The following ZBTB11 variants were observed in gnomAD, a reference collection of about 807,000 sequenced individuals.
ZBTB11 encodes zinc finger and BTB domain-containing protein 11.
In ZBTB11, 68 loss-of-function variants were observed where a neutral mutation model predicts 113.1. That is an observed-to-expected ratio of 0.60 (90% CI 0.49 to 0.74). ZBTB11 has a LOEUF of 0.74. ZBTB11 is among the 30% of genes least tolerant of loss of function. The pLI is 0.00. For synonymous variants in ZBTB11, 518 were observed against 452.6 expected (o/e 1.14, Z -1.83); for missense variants, 1,104 against 1,279.4 (o/e 0.86, Z 2.09).
At chr3:101,672,319 T>C (rs1219711352) in intron 1 of ZBTB11, 106 bp from the exon 2 acceptor site, 1 of 698,944 alleles carries the variant, frequency 1.4e-6, no homozygotes, top group African/African-American at 1.8e-5. Flanking sequence ...TGTGCAGACA[T>C]TCATGTCCCA....
chr3:101,659,094 C>T (rs1299163287), intron 6 of ZBTB11, among the ~76,000 whole-genome samples: 1 of 152,054 alleles, frequency 6.6e-6, no homozygotes, highest in Non-Finnish European at 1.5e-5. Flanking sequence ...AAAAAATTAG[C>T]CAGGCGTGGT....
In ZBTB11 at chr3:101,659,875, T is replaced by C. The variant is rs191344966; in HGVS notation, c.1954A>G (p.Ile652Val). The stretch of plus-strand genomic sequence containing the variant: ...AATGTTCTTCCACATATGGAACATA[T>C]AAATTCCCGCTTGGTTCTGCCCTTC... ...SEKGRTKREFICSICGRTLPK... is the reference protein window; with the variant it reads ...SEKGRTKREFVCSICGRTLPK... Residue 652 changes from isoleucine to valine, a missense_variant, in exon 6 of 11, where the codon ATA (isoleucine) becomes GTA (valine). By Grantham distance (29) the Ile-to-Val change is conservative. This residue lies in a region of ZBTB11 where 535 missense variants were observed against 518.6 expected (regional missense o/e 1.03). Transcript: ENST00000312938. 38 of 1,614,178 alleles carry C rather than the reference T, an allele frequency of 2.4e-5. No individual in the cohort carries two copies. The highest frequency in any genetic ancestry group is 1.1e-4 in the African/African-American group (8 of 75,054).
In ZBTB11 at chr3:101,651,216, C is replaced by A; in HGVS notation, c.3112G>T (p.Ala1038Ser). ...QGQKLSEVAEAIQTVKVEVAH... is the reference protein window; with the variant it reads ...QGQKLSEVAESIQTVKVEVAH... Reference sequence around the variant, plus strand: ...ACCTCTACTTTAACAGTTTGAATAGCTTCTGCAACTTCAGATAGCTTCTGT... The same window carrying A: ...ACCTCTACTTTAACAGTTTGAATAGATTCTGCAACTTCAGATAGCTTCTGT... The change falls in exon 11 of 11, where the codon GCT becomes TCT. Residue 1038 changes from alanine to serine, a missense_variant. Ala to Ser is a moderately conservative substitution (Grantham distance 99). Coordinates refer to ENST00000312938, the MANE Select transcript of ZBTB11 (RefSeq NM_014415.4). 6.2e-7 allele frequency: 1 copy of A among 1,610,866 alleles called. No individual in the cohort carries two copies. The highest frequency in any genetic ancestry group is 8.5e-7 in the Non-Finnish European group (1 of 1,178,906).
chr3:101,673,712 A>G (rs898465852), intron 1 of ZBTB11, among the ~76,000 whole-genome samples: 1 of 152,024 alleles, frequency 6.6e-6, no homozygotes, highest in Non-Finnish European at 1.5e-5. Context: ...ATGGGGTTTC[A>G]CTATTTTTGC....
At chr3:101,662,422 C>T (rs994996239) in intron 5 of ZBTB11, among the ~76,000 whole-genome samples, 7 of 152,180 alleles carry the variant, frequency 4.6e-5, no homozygotes, top group South Asian at 4.1e-4. Flanking sequence ...GTCAGGAGTT[C>T]GAGACCAGCC....
intron 6 of ZBTB11, among the ~76,000 whole-genome samples, chr3:101,657,380 C>T (rs1427946339): frequency 6.7e-6 from 1 of 149,904 alleles, no homozygotes; most frequent in Non-Finnish European, 1.5e-5. Flanking sequence ...GTGGCGTGTG[C>T]CTGTAGTTCC....
rs1458527793 is a variant in ZBTB11 at position 101,676,832 on chromosome 3, T to C, written c.83A>G (p.Asn28Ser). 9 of 1,612,204 alleles carry C rather than the reference T, an allele frequency of 5.6e-6. No individual in the cohort carries two copies. The African/African-American group carries it at 6.7e-5, about 12-fold the overall frequency. Residue 28 changes from asparagine (N) to serine (S), a missense_variant, in exon 1 of 11, where the codon AAT (asparagine) becomes AGT (serine). Physicochemically the swap from Asn to Ser is conservative, Grantham distance 46. Around this residue, in one of 5 missense-constraint regions of ZBTB11, gnomAD observed 245 missense variants for 272.5 expected, o/e 0.90. Transcript: ENST00000312938. Reference sequence around the variant, plus strand: ...AGCTTTTCGGATTTTACGCTTGACATTGCCCTCGGTGCCCGGCGCATACGG... The same window carrying C: ...AGCTTTTCGGATTTTACGCTTGACACTGCCCTCGGTGCCCGGCGCATACGG... ...REPYAPGTEG[N>S]VKRKIRKAAA...
intron 6 of ZBTB11, 103 bp from the exon 7 acceptor site, chr3:101,656,351 A>G: frequency 1.5e-6 from 1 of 683,722 alleles, no homozygotes; most frequent in Non-Finnish European, 1.9e-6. Flanking sequence ...ATAAATATTT[A>G]AATTATTTAA....
At chr3:101,672,794 C>T (rs756379883) in intron 1 of ZBTB11, among the ~76,000 whole-genome samples, 37 of 152,266 alleles carry the variant, frequency 2.4e-4, no homozygotes, top group Middle Eastern at 3.4e-3. Flanking sequence ...TAGGCTTGAC[C>T]GTGTGATTTG....
rs553103436 is a variant in ZBTB11 at position 101,649,031 on chromosome 3, C to T, written c.*2135G>A. 1.2e-4 allele frequency: 18 copies of T among 152,312 alleles called. No homozygotes were observed. The highest frequency in any genetic ancestry group is 3.6e-4 in the African/African-American group (15 of 41,546). 9.4% of individuals were successfully genotyped at this position (152,312 alleles called of 1,614,324 possible). A position where few individuals can be genotyped will look rare whatever the true frequency, so the allele number is the denominator to read the frequency against. ...GTGGGAAGATGATCTCCTCTCCAAC[C>T]GTCCCCAGCTGAACTCCTCTGGACG... is the stretch of plus-strand genomic sequence containing the variant. On this transcript the variant is annotated 3_prime_UTR_variant, in exon 11 of 11. Coordinates refer to ENST00000312938, the MANE Select transcript of ZBTB11 (RefSeq NM_014415.4).
At chr3:101,673,085 C>T (rs1937108345) in intron 1 of ZBTB11, among the ~76,000 whole-genome samples, 1 of 152,142 alleles carries the variant, frequency 6.6e-6, no homozygotes, top group African/African-American at 2.4e-5. Flanking sequence ...CACAATCTAA[C>T]AAAAGTTGAT....
intron 6 of ZBTB11, among the ~76,000 whole-genome samples, chr3:101,656,992 T>C (rs913829133): frequency 2.7e-5 from 4 of 149,870 alleles, no homozygotes; most frequent in African/African-American, 9.8e-5. Context: ...AATACAAAAA[T>C]TAGCCAGGTG....
chr3:101,671,344 C>T lies in ZBTB11; in HGVS notation c.564G>A (p.Val188=). The change falls in exon 3 of 11, where the codon GTG becomes GTA. Residue 188 remains valine (V), a synonymous_variant. Transcript: ENST00000312938. ...HELVFVDTKG[V]VKRSSPKHCQ... ...AATGTTTTGGAGAAGAACGTTTTAC[C>T]ACTCCTTTGGTGTCAACCTGTCAAA... 1 of 1,614,092 alleles carries T rather than the reference C, an allele frequency of 6.2e-7. No homozygotes were observed. The highest frequency in any genetic ancestry group is 8.5e-7 in the Non-Finnish European group (1 of 1,179,986).
chr3:101,668,659 T>C, intron 3 of ZBTB11, among the ~76,000 whole-genome samples: 1 of 152,120 alleles, frequency 6.6e-6, no homozygotes. Flanking sequence ...TTTGAATGTT[T>C]TCAACACAAA....
At chr3:101,655,382 T>C (rs34624546) in intron 7 of ZBTB11, among the ~76,000 whole-genome samples, 1 of 151,982 alleles carries the variant, frequency 6.6e-6, no homozygotes, top group Non-Finnish European at 1.5e-5. Context: ...AGTACTAGAG[T>C]TGAATACAAG....
intron 7 of ZBTB11, 59 bp from the exon 8 acceptor site, chr3:101,654,880 ATTT>A: frequency 2.5e-6 from 3 of 1,181,308 alleles, no homozygotes; most frequent in Non-Finnish European, 1.2e-6. Context: ...TTTTAACAGA[ATTT>A]TTTTTTTTTG....
In ZBTB11 at chr3:101,665,525, T is replaced by TAC; in HGVS notation, c.1061_1062insGT (p.Pro355TyrfsTer14). ...TTTCACAATCCCCAAGTTCAGTAGG[T>TAC]AAACTTGTTGTGGTTCCCTCACTGC... On this transcript the variant is annotated frameshift_variant, in exon 4 of 11. Coordinates refer to ENST00000312938, the MANE Select transcript of ZBTB11 (RefSeq NM_014415.4). LOFTEE classifies it high-confidence loss of function. 6.2e-7 allele frequency: 1 copy of TAC among 1,614,202 alleles called. No homozygotes were observed. The highest frequency in any genetic ancestry group is 8.5e-7 in the Non-Finnish European group (1 of 1,180,024).
rs144886045 is a variant in ZBTB11 at position 101,661,769 on chromosome 3, CCTT to C, written c.1801-1744_1801-1742del. On this transcript the variant is annotated intron_variant, in intron 5 of 10. Coordinates refer to ENST00000312938, the MANE Select transcript of ZBTB11 (RefSeq NM_014415.4). The stretch of plus-strand genomic sequence containing the variant: ...CACTGTTCTGGGCATTCAGCGTACT[CCTT>C]TAACACAGAAACTTCTATCCTTAAG... 9.6e-3 allele frequency among the ~76,000 whole-genome samples: 1,469 copies of C among 152,262 alleles called. 33 individuals are homozygous for C. Among genetic ancestry groups the C allele is most frequent in the African/African-American group, 0.034 (1,395 of 41,540 alleles).
At chr3:101,659,233 C>G (rs949059856) in intron 6 of ZBTB11, among the ~76,000 whole-genome samples, 1 of 152,160 alleles carries the variant, frequency 6.6e-6, no homozygotes, top group Admixed American at 6.5e-5. Context: ...AGAACAAGAC[C>G]TTGTCTCAAA....
Sources: gnomAD v4.1 joint callset for allele counts (sites outside exome capture counted in the v4.1 genomes callset) on GRCh38, gnomAD v4.1.1 for gene constraint, gnomAD v4.1.1 regional missense constraint, MANE v1.5 for transcripts, NCBI Gene and HGNC (gene_info 2026-07-23, HGNC 2026-07-21) for gene names.